The following ERC2 variants were observed in gnomAD, a reference collection of about 807,000 sequenced individuals.
ERC2 encodes ERC protein 2.
Under a neutral mutation model 114.8 loss-of-function variants are expected in ERC2, and 42 were observed. The ratio of observed to expected loss-of-function variants is 0.37; its 90% CI spans 0.29 to 0.47. ERC2 has a LOEUF of 0.47. ERC2 is among the 20% of genes least tolerant of loss of function. ERC2 has a pLI of 0.99. For synonymous variants in ERC2, 454 were observed against 425.5 expected, an observed-to-expected ratio of 1.07 and a Z score of -0.82; for missense variants, 939 against 1,150.7, an observed-to-expected ratio of 0.82 and a Z score of 2.66.
chr3:56,100,475 T>G (rs1368252104), intron 6 of ERC2, among the ~76,000 whole-genome samples: 1 of 152,178 alleles, frequency 6.6e-6, no homozygotes, highest in Non-Finnish European at 1.5e-5. Flanking sequence ...TTACGTGACT[T>G]CACTTTATAC....
chr3:56,356,150 G>C (rs867859823), intron 2 of ERC2, among the ~76,000 whole-genome samples: 3 of 152,180 alleles, frequency 2.0e-5, no homozygotes, highest in African/African-American at 7.2e-5. Context: ...ATTTTTAAGG[G>C]GGATGTGAGA....
chr3:55,998,413 A>G (rs1399925848), intron 10 of ERC2, among the ~76,000 whole-genome samples: 5 of 152,134 alleles, frequency 3.3e-5, no homozygotes, highest in Non-Finnish European at 7.4e-5. Context: ...TCCTCAAACA[A>G]AACATGTAGC....
chr3:55,804,632 A>C (rs375332031), intron 14 of ERC2, among the ~76,000 whole-genome samples: 6 of 152,276 alleles, frequency 3.9e-5, no homozygotes, highest in African/African-American at 1.4e-4. Context: ...CCAGGACTCT[A>C]ATCAGGAGAT....
At chr3:56,189,446 A>G (rs1470124434) in intron 3 of ERC2, among the ~76,000 whole-genome samples, 1 of 152,258 alleles carries the variant, frequency 6.6e-6, no homozygotes, top group Non-Finnish European at 1.5e-5. Context: ...CAACAGCAGC[A>G]TCTGTTGAGT....
chr3:55,975,780 G>C (rs2069541251), intron 12 of ERC2, among the ~76,000 whole-genome samples: 1 of 152,126 alleles, frequency 6.6e-6, no homozygotes, highest in African/African-American at 2.4e-5. Context: ...CCCTACCGCA[G>C]AGTCTAAGCT....
At chr3:55,775,434 G>C (rs1194717054) in intron 14 of ERC2, among the ~76,000 whole-genome samples, 3 of 151,934 alleles carry the variant, frequency 2.0e-5, no homozygotes, top group Non-Finnish European at 4.4e-5. Context: ...AGGAGGATGA[G>C]GTGGGAAGAT....
chr3:56,378,364 T>C (rs2059624503), intron 2 of ERC2, among the ~76,000 whole-genome samples: 1 of 136,998 alleles, frequency 7.3e-6, no homozygotes, highest in Non-Finnish European at 1.6e-5. Flanking sequence ...AGGTGGGAAT[T>C]GAACAATGAG....
intron 14 of ERC2, among the ~76,000 whole-genome samples, chr3:55,759,339 T>A (rs1391512873): frequency 5.9e-5 from 9 of 152,006 alleles, no homozygotes; most frequent in Non-Finnish European, 1.0e-4. Flanking sequence ...TGCTCCACAG[T>A]TCACTTAAAT....
chr3:56,215,141 AAT>A (rs1425966017), intron 3 of ERC2, among the ~76,000 whole-genome samples: 1 of 152,196 alleles, frequency 6.6e-6, no homozygotes, highest in Non-Finnish European at 1.5e-5. Context: ...CACACATAAC[AAT>A]ATTAACCTTA....
intron 7 of ERC2, among the ~76,000 whole-genome samples, chr3:56,022,852 T>C (rs763569447): frequency 1.2e-4 from 19 of 152,158 alleles, no homozygotes; most frequent in Non-Finnish European, 2.2e-4. Context: ...CCCTTGCCTT[T>C]GACTTGAGCT....
chr3:55,738,417 A>G (rs928148780), intron 14 of ERC2, among the ~76,000 whole-genome samples: 2 of 152,186 alleles, frequency 1.3e-5, no homozygotes, highest in African/African-American at 2.4e-5. Flanking sequence ...TAAACATTTA[A>G]AACTTGTAAG....
chr3:56,391,967 C>T (rs1311959741), intron 2 of ERC2, among the ~76,000 whole-genome samples: 2 of 152,150 alleles, frequency 1.3e-5, no homozygotes, highest in South Asian at 4.1e-4. Flanking sequence ...AAATCAAATA[C>T]TTACCATACA....
intron 16 of ERC2, among the ~76,000 whole-genome samples, chr3:55,687,516 A>C (rs2062397223): frequency 6.6e-6 from 1 of 152,160 alleles, no homozygotes; most frequent in Non-Finnish European, 1.5e-5. Flanking sequence ...GAACCAGCGA[A>C]GTATCACTTT....
At chr3:55,851,188 T>TTTTTTTTGAGACGG (rs1427189122) in intron 14 of ERC2, among the ~76,000 whole-genome samples, 2 of 148,096 alleles carry the variant, frequency 1.4e-5, no homozygotes, top group African/African-American at 5.0e-5. Context: ...ATGATTTTTT[T>TTTTTTTTGAGACGG]AAGCCCATGC....
intron 17 of ERC2, chr3:55,607,964 A>G (rs1262732728): frequency 2.0e-5 from 3 of 152,130 alleles, no homozygotes; most frequent in Admixed American, 2.0e-4. Flanking sequence ...TATGAAGCCA[A>G]TCTTGTCAGG....
chr3:56,009,554 G>T (rs1280046269), intron 9 of ERC2, among the ~76,000 whole-genome samples: 1 of 152,176 alleles, frequency 6.6e-6, no homozygotes, highest in African/African-American at 2.4e-5. Context: ...TAACTGTGCT[G>T]TGGTACCGTC....
intron 14 of ERC2, among the ~76,000 whole-genome samples, chr3:55,820,436 A>C (rs931692031): frequency 6.6e-6 from 1 of 152,252 alleles, no homozygotes; most frequent in African/African-American, 2.4e-5. Context: ...CTTACACTTA[A>C]AGTGTTGTCA....
At chr3:56,163,512 G>A (rs897242906) in intron 4 of ERC2, among the ~76,000 whole-genome samples, 5 of 151,948 alleles carry the variant, frequency 3.3e-5, no homozygotes, top group African/African-American at 4.8e-5. Context: ...AAGTCTTTTC[G>A]TAAGTCTTAC....
intron 14 of ERC2, among the ~76,000 whole-genome samples, chr3:55,779,327 CAAAAAAAA>C (rs60185894): frequency 6.4e-4 from 40 of 62,464 alleles, no homozygotes; most frequent in African/African-American, 1.3e-3. Context: ...ACTAAAAATA[CAAAAAAAA>C]AAAAAAAAAA....
Sources: gnomAD v4.1 joint callset for allele counts (sites outside exome capture counted in the v4.1 genomes callset) on GRCh38, gnomAD v4.1.1 for gene constraint, MANE v1.5 for transcripts, NCBI Gene and HGNC (gene_info 2026-07-23, HGNC 2026-07-21) for gene names.